ACACB: variants seen among roughly 807,000 people sequenced by gnomAD.
The protein encoded by ACACB is acetyl-CoA carboxylase 2.
In ACACB, 209 loss-of-function variants were observed where a neutral mutation model predicts 278.8. The observed-to-expected ratio is 0.75, with a 90% CI of 0.67 to 0.84. The LOEUF (loss-of-function observed/expected upper bound fraction) is 0.84. ACACB is among the 40% of genes least tolerant of loss of function. The pLI is 0.00. For synonymous variants in ACACB, 1,174 were observed against 1,285.6 expected (o/e 0.91, Z 1.86); for missense variants, 2,850 against 3,269.0 (o/e 0.87, Z 3.13).
chr12:109,199,213 G>A (rs2045245969), intron 17 of ACACB, among the ~76,000 whole-genome samples, 189 bp from the exon 18 acceptor site: 1 of 151,986 alleles, frequency 6.6e-6, no homozygotes, highest in South Asian at 2.1e-4. Flanking sequence ...AAATAAGAAA[G>A]CATCACAGCC....
chr12:109,210,199 GTA>G (rs1162833610), intron 21 of ACACB, among the ~76,000 whole-genome samples: 6,040 of 39,752 alleles, frequency 0.15, 1,598 homozygotes, highest in Non-Finnish European at 0.19. Context: ...GTGTGTATAT[GTA>G]TATATGTATA....
chr12:109,229,811 G>C (rs183680241), intron 28 of ACACB, among the ~76,000 whole-genome samples: 29 of 152,274 alleles, frequency 1.9e-4, no homozygotes, highest in African/African-American at 6.5e-4. Flanking sequence ...GGGATGACAG[G>C]CGCCACCATG....
At chr12:109,199,064 C>T (rs1274577566) in intron 17 of ACACB, among the ~76,000 whole-genome samples, 2 of 152,058 alleles carry the variant, frequency 1.3e-5, no homozygotes, top group African/African-American at 2.4e-5. Flanking sequence ...GTGGTGGGCG[C>T]CTGTAGTCCC....
intron 47 of ACACB, chr12:109,260,039 A>G: frequency 7.4e-7 from 1 of 1,342,982 alleles, no homozygotes; most frequent in South Asian, 1.1e-5. Flanking sequence ...CAGTGCTGTT[A>G]TTATTGCATT....
intron 11 of ACACB, among the ~76,000 whole-genome samples, chr12:109,181,433 G>A (rs1043622428): frequency 2.6e-5 from 4 of 151,732 alleles, no homozygotes; most frequent in African/African-American, 9.7e-5. Flanking sequence ...TCACCATATT[G>A]GCCAGGCTGG....
At chr12:109,158,204 A>T (rs926181325) in intron 2 of ACACB, among the ~76,000 whole-genome samples, 2 of 152,164 alleles carry the variant, frequency 1.3e-5, no homozygotes, top group African/African-American at 4.8e-5. Flanking sequence ...CTTTGTGGCC[A>T]TGTGGTCTCT....
intron 4 of ACACB, among the ~76,000 whole-genome samples, chr12:109,171,353 C>CT (rs147391558): frequency 0.1 from 14,816 of 144,758 alleles, 1,885 homozygotes; most frequent in African/African-American, 0.31. Context: ...CATTTTCTTT[C>CT]TTTTTTTTTT....
chr12:109,254,427 A>G, intron 44 of ACACB, 93 bp downstream of exon 44: 1 of 1,271,972 alleles, frequency 7.9e-7, no homozygotes, highest in Non-Finnish European at 1.1e-6. Flanking sequence ...GCTTGAGACA[A>G]AGGCTTGATA....
intron 48 of ACACB, 69 bp from the exon 49 acceptor site, chr12:109,262,288 C>A (rs1467336979): frequency 3.3e-5 from 42 of 1,261,866 alleles, no homozygotes; most frequent in South Asian, 7.6e-5. Context: ...CAGCTCCCCC[C>A]ACATCCATTA....
chr12:109,224,330 G>A (rs1056782637), intron 27 of ACACB, among the ~76,000 whole-genome samples: 1 of 151,712 alleles, frequency 6.6e-6, no homozygotes, highest in Non-Finnish European at 1.5e-5. Flanking sequence ...GCCAGAGCTA[G>A]AGGAGCCCAG....
intron 10 of ACACB, 30 bp downstream of exon 10, chr12:109,179,327 T>G: frequency 6.2e-7 from 1 of 1,601,478 alleles, no homozygotes; most frequent in East Asian, 2.2e-5. Context: ...GGGGGCAGCT[T>G]CAGAGAGAGC....
intron 21 of ACACB, among the ~76,000 whole-genome samples, chr12:109,210,407 A>G (rs1417997807): frequency 1.4e-5 from 2 of 144,640 alleles, no homozygotes; most frequent in African/African-American, 2.6e-5. Context: ...ATATACACGC[A>G]CACACATGTG....
chr12:109,215,658 G>A (rs887831638), intron 22 of ACACB, among the ~76,000 whole-genome samples: 5 of 151,994 alleles, frequency 3.3e-5, no homozygotes, highest in African/African-American at 7.3e-5. Context: ...CCAGCTACTC[G>A]GGAGGCTGAG....
chr12:109,181,292 A>G (rs2044461751), intron 11 of ACACB, among the ~76,000 whole-genome samples: 1 of 149,636 alleles, frequency 6.7e-6, no homozygotes, highest in Non-Finnish European at 1.5e-5. Context: ...TAGTGGTGCA[A>G]TCTCGGCTCA....
intron 19 of ACACB, among the ~76,000 whole-genome samples, chr12:109,204,876 T>C (rs762157315): frequency 4.6e-5 from 7 of 152,152 alleles, no homozygotes; most frequent in African/African-American, 7.2e-5. Flanking sequence ...AGACAGAGTC[T>C]CACTCTGTCA....
intron 18 of ACACB, among the ~76,000 whole-genome samples, chr12:109,200,914 T>C (rs1449758916): frequency 2.0e-5 from 3 of 152,146 alleles, no homozygotes; most frequent in Middle Eastern, 3.2e-3. Flanking sequence ...AAACTGAGGC[T>C]CAAGGAGGGG....
intron 27 of ACACB, among the ~76,000 whole-genome samples, chr12:109,225,663 G>A (rs547861876): frequency 7.9e-5 from 12 of 152,298 alleles, no homozygotes; most frequent in South Asian, 6.2e-4. Flanking sequence ...CCCAGTTCCC[G>A]CATTTCCTGT....
chr12:109,178,622 T>C (rs1228014606), intron 9 of ACACB, among the ~76,000 whole-genome samples: 1 of 152,190 alleles, frequency 6.6e-6, no homozygotes, highest in African/African-American at 2.4e-5. Context: ...GCGGTGCAGC[T>C]GGTAAAGGAA....
intron 36 of ACACB, chr12:109,241,528 G>C (rs1048035522): frequency 6.2e-6 from 3 of 483,578 alleles, no homozygotes; most frequent in African/African-American, 5.8e-5. Context: ...TTGGATTTTT[G>C]ATAGAGACAA....
Sources: gnomAD v4.1 joint callset for allele counts (sites outside exome capture counted in the v4.1 genomes callset) on GRCh38, gnomAD v4.1.1 for gene constraint, MANE v1.5 for transcripts, NCBI Gene and HGNC (gene_info 2026-07-23, HGNC 2026-07-21) for gene names.